GPC5: variants seen among roughly 807,000 people sequenced by gnomAD.
GPC5 encodes glypican-5.
A neutral mutation model predicts 53.9 loss-of-function variants in GPC5; 47 were observed. The observed-to-expected ratio is 0.87, with a 90% CI of 0.69 to 1.11. GPC5 has a LOEUF of 1.11. GPC5 is among the 50% of genes most tolerant of loss of function. The pLI is 0.00. For missense variants in GPC5, 748 were observed against 713.1 expected (o/e 1.05, Z -0.56); for synonymous variants, 286 against 263.3 (o/e 1.09, Z -0.84).
intron 2 of GPC5, among the ~76,000 whole-genome samples, chr13:91,613,638 G>GA (rs1000917281): frequency 6.6e-6 from 1 of 152,112 alleles, no homozygotes; most frequent in Non-Finnish European, 1.5e-5. Flanking sequence ...AAATTTCACA[G>GA]AAAAAACTAC....
intron 7 of GPC5, among the ~76,000 whole-genome samples, chr13:92,604,117 A>G (rs1161904515): frequency 1.3e-5 from 2 of 152,220 alleles, no homozygotes; most frequent in Admixed American, 6.5e-5. Context: ...CATGTTAACT[A>G]AAAGATCATA....
At chr13:91,668,669 C>T (rs372530696) in intron 2 of GPC5, among the ~76,000 whole-genome samples, 59 of 152,010 alleles carry the variant, frequency 3.9e-4, no homozygotes, top group South Asian at 1.7e-3. Context: ...GTCAGGAGAA[C>T]GAATTTCTCT....
Position 91,407,781 on chromosome 13 carries a change from G to A in GPC5, c.163+8572G>A, listed in dbSNP as rs373020456. On this transcript the variant is annotated intron_variant, in intron 1 of 7. Coordinates refer to ENST00000377067, the MANE Select transcript of GPC5 (RefSeq NM_004466.6). ...TTGTGGATCAACCAGAGGGACCACA[G>A]TTTTCAGAATAAGGAAACAAATAAT... Among the ~76,000 whole-genome samples the A allele has an allele frequency of 1.1e-4, 16 of 152,258 alleles. No homozygotes were observed. In the East Asian group the frequency reaches 2.5e-3, roughly 24 times the overall value.
At chr13:91,433,862 G>A (rs555255188) in intron 1 of GPC5, among the ~76,000 whole-genome samples, 94 of 151,962 alleles carry the variant, frequency 6.2e-4, no homozygotes, top group African/African-American at 2.1e-3. Flanking sequence ...TCCAGCACCT[G>A]TTGTTTCCTG....
Position 91,421,872 on chromosome 13 carries a change from T to C in GPC5, c.163+22663T>C, listed in dbSNP as rs116092531. ...CATATATTGGAATTTACAAAGTATA[T>C]GTACTCTAACAAGGCTGGCATGCTA... On this transcript the variant is annotated intron_variant, in intron 1 of 7. Transcript: ENST00000377067. Among the ~76,000 whole-genome samples the C allele has an allele frequency of 2.7e-3, 410 of 152,344 alleles. 3 individuals carry two copies. The highest frequency in any genetic ancestry group is 9.5e-3 in the African/African-American group (396 of 41,584).
chr13:92,043,617 G>T (rs949117442), intron 6 of GPC5, among the ~76,000 whole-genome samples: 1 of 152,184 alleles, frequency 6.6e-6, no homozygotes, highest in Non-Finnish European at 1.5e-5. Flanking sequence ...AGATCACATA[G>T]TCACAGTTCT....
At chr13:92,660,217 C>A (rs551403308) in intron 7 of GPC5, among the ~76,000 whole-genome samples, 323 of 151,982 alleles carry the variant, frequency 2.1e-3, no homozygotes, top group Non-Finnish European at 3.8e-3. Context: ...TGTTTATGTT[C>A]TTGAGTCACG....
chr13:91,620,637 C>T (rs2033828750), intron 2 of GPC5, among the ~76,000 whole-genome samples: 1 of 152,114 alleles, frequency 6.6e-6, no homozygotes, highest in Non-Finnish European at 1.5e-5. Flanking sequence ...CAAAAATATC[C>T]TTCTTTATGG....
intron 7 of GPC5, among the ~76,000 whole-genome samples, chr13:92,193,132 G>A (rs994491974): frequency 3.3e-5 from 5 of 151,964 alleles, no homozygotes; most frequent in South Asian, 2.1e-4. Context: ...CCGAGATGGC[G>A]CCACTGCACT....
At chr13:92,822,114 T>G (rs1877693941) in intron 7 of GPC5, among the ~76,000 whole-genome samples, 3 of 152,148 alleles carry the variant, frequency 2.0e-5, no homozygotes, top group Admixed American at 2.0e-4. Flanking sequence ...CTGTAAAATA[T>G]TAATTACCTC....
At chr13:91,582,877 G>T (rs1395576234) in intron 2 of GPC5, among the ~76,000 whole-genome samples, 2 of 152,048 alleles carry the variant, frequency 1.3e-5, no homozygotes, top group East Asian at 3.8e-4. Context: ...TCTGGGCATG[G>T]TGGCACCCAG....
chr13:92,073,115 C>G (rs1412694689), intron 6 of GPC5, among the ~76,000 whole-genome samples: 1 of 152,064 alleles, frequency 6.6e-6, no homozygotes, highest in East Asian at 1.9e-4. Flanking sequence ...AAGGTCATGG[C>G]TCTTCTGTCT....
intron 5 of GPC5, among the ~76,000 whole-genome samples, chr13:91,800,817 A>T (rs1260906249): frequency 2.0e-5 from 3 of 152,066 alleles, no homozygotes; most frequent in Non-Finnish European, 4.4e-5. Flanking sequence ...TAATATTTTC[A>T]ACTTTATGTG....
At chr13:91,449,029 A>G in intron 2 of GPC5, 107 bp downstream of exon 2, 1 of 1,217,178 alleles carries the variant, frequency 8.2e-7, no homozygotes, top group Non-Finnish European at 1.1e-6. Flanking sequence ...GTATTTACAT[A>G]ATATTCGGGT....
rs56915854 is a variant in GPC5, at chr13:92,147,645, A to T, written c.1561+2656A>T. ...TACTGCTGAAATGGACAGGCATGGTACAAGCAGCTACCCATCAGAATTTGG... is the reference window on the plus strand; with the variant it reads ...TACTGCTGAAATGGACAGGCATGGTTCAAGCAGCTACCCATCAGAATTTGG... On this transcript the variant is annotated intron_variant, in intron 7 of 7. Coordinates refer to ENST00000377067, the MANE Select transcript of GPC5 (RefSeq NM_004466.6). Among the ~76,000 whole-genome samples, 1,468 of 152,132 alleles carry T rather than the reference A, an allele frequency of 9.6e-3. 33 individuals are homozygous for T. The highest frequency in any genetic ancestry group is 0.033 in the African/African-American group (1,375 of 41,522).
intron 5 of GPC5, among the ~76,000 whole-genome samples, chr13:91,860,435 G>GTA (rs897375856): frequency 2.0e-4 from 29 of 141,626 alleles, no homozygotes; most frequent in Middle Eastern, 3.6e-3. Context: ...ACTTCATCAT[G>GTA]TATATATATA....
At chr13:92,802,877 T>C (rs184385544) in intron 7 of GPC5, among the ~76,000 whole-genome samples, 225 of 152,074 alleles carry the variant, frequency 1.5e-3, no homozygotes, top group African/African-American at 5.2e-3. Context: ...GCTATGAACA[T>C]TGCAAAGTTT....
intron 6 of GPC5, among the ~76,000 whole-genome samples, chr13:92,010,688 C>T (rs142667083): frequency 8.0e-4 from 122 of 152,246 alleles, no homozygotes; most frequent in African/African-American, 2.9e-3. Context: ...TCTCTCTCCA[C>T]CCCCACTGCA....
chr13:92,422,480 T>C (rs1876610163), intron 7 of GPC5, among the ~76,000 whole-genome samples: 1 of 132,102 alleles, frequency 7.6e-6, no homozygotes, highest in African/African-American at 3.0e-5. Flanking sequence ...GCACCACCCA[T>C]CACCATCTCA....
Sources: gnomAD v4.1 joint callset for allele counts (sites outside exome capture counted in the v4.1 genomes callset) on GRCh38, gnomAD v4.1.1 for gene constraint, MANE v1.5 for transcripts, NCBI Gene and HGNC (gene_info 2026-07-23, HGNC 2026-07-21) for gene names.